CLEC16A: variants seen among roughly 807,000 people sequenced by gnomAD.
CLEC16A encodes the protein protein CLEC16A.
Under a neutral mutation model 109.5 loss-of-function variants are expected in CLEC16A, and 51 were observed. The ratio of observed to expected loss-of-function variants is 0.47; its 90% CI spans 0.37 to 0.59. CLEC16A has a LOEUF of 0.59. Among genes scored for constraint, CLEC16A ranks in the 20% least tolerant of loss-of-function variants. The pLI, the probability that CLEC16A is intolerant of heterozygous loss-of-function variation, is 0.00. For synonymous variants in CLEC16A, 673 were observed against 564.2 expected, an observed-to-expected ratio of 1.19 and a Z score of -2.73; for missense variants, 1,339 against 1,394.0, an observed-to-expected ratio of 0.96 and a Z score of 0.63.
chr16:11,167,334 A>G (rs1163544379), intron 23 of CLEC16A, among the ~76,000 whole-genome samples: 2 of 152,126 alleles, frequency 1.3e-5, no homozygotes, highest in African/African-American at 4.8e-5. Context: ...GGGTCACACC[A>G]ACTGCCTGCA....
intron 2 of CLEC16A, 81 bp from the exon 3 acceptor site, chr16:10,962,374 G>A: frequency 6.4e-7 from 1 of 1,557,470 alleles, no homozygotes; most frequent in Middle Eastern, 1.7e-4. Context: ...TCTAATACTT[G>A]TGTTGTGAAT....
At chr16:11,001,596 C>T (rs1436110442) in intron 10 of CLEC16A, among the ~76,000 whole-genome samples, 1 of 152,094 alleles carries the variant, frequency 6.6e-6, no homozygotes, top group Non-Finnish European at 1.5e-5. Flanking sequence ...ACTGATAATT[C>T]CTATATATTA....
rs991659734 is a variant in CLEC16A at position 11,060,923 on chromosome 16, C to T, written c.2017C>T (p.Leu673=). 6.2e-7 allele frequency: 1 copy of T among 1,611,858 alleles called. No homozygotes were observed. Among genetic ancestry groups the T allele is most frequent in the Non-Finnish European group, 8.5e-7 (1 of 1,178,986 alleles). ...CCAGGCCATCCGGGTGTTCTTCATG[C>T]TGCGTTCCCTGTCACTGCAATTGCG... ...TRRAIRVFFM[L]RSLSLQLRGE... Residue 673 remains leucine, a synonymous_variant, in exon 19 of 24, where the codon CTG becomes TTG. Coordinates refer to ENST00000409790, the MANE Select transcript of CLEC16A (RefSeq NM_015226.3).
chr16:10,956,327 T>C (rs2041983967), intron 1 of CLEC16A, among the ~76,000 whole-genome samples: 1 of 152,258 alleles, frequency 6.6e-6, no homozygotes, highest in South Asian at 2.1e-4. Flanking sequence ...TGTTCTTTAT[T>C]GTTTCATCTT....
At chr16:11,093,624 T>C (rs1304037355) in intron 19 of CLEC16A, among the ~76,000 whole-genome samples, 1 of 152,160 alleles carries the variant, frequency 6.6e-6, no homozygotes, top group East Asian at 1.9e-4. Flanking sequence ...TTTGAAGAAG[T>C]AAATATCAGC....
In CLEC16A at chr16:11,137,197, T is replaced by C. The variant is rs1345341193; in HGVS notation, c.2641+11051T>C. 2.0e-5 allele frequency among the ~76,000 whole-genome samples: 3 copies of C among 152,202 alleles called. No homozygotes were observed. In the East Asian group the frequency reaches 5.8e-4, roughly 29 times the overall value. ...AAGCCTTTTCTGTTGGTGTTTTTTTTCTTTGCTTCTGAATCATTTGTTTTA... is the reference window on the plus strand; with the variant it reads ...AAGCCTTTTCTGTTGGTGTTTTTTTCCTTTGCTTCTGAATCATTTGTTTTA... On this transcript the variant is annotated intron_variant, in intron 22 of 23. Transcript: ENST00000409790.
chr16:10,999,356 C>G (rs1359183240), intron 10 of CLEC16A, among the ~76,000 whole-genome samples: 1 of 152,148 alleles, frequency 6.6e-6, no homozygotes, highest in Non-Finnish European at 1.5e-5. Flanking sequence ...TTTAATTCCC[C>G]CAAGATGCCA....
chr16:11,165,128 G>C (rs2068202380), intron 22 of CLEC16A, among the ~76,000 whole-genome samples: 1 of 152,108 alleles, frequency 6.6e-6, no homozygotes, highest in South Asian at 2.1e-4. Context: ...GTCGTGGCCT[G>C]CAGAAAAGCA....
intron 22 of CLEC16A, among the ~76,000 whole-genome samples, chr16:11,158,784 G>A (rs139950417): frequency 6.6e-6 from 1 of 152,186 alleles, no homozygotes; most frequent in South Asian, 2.1e-4. Flanking sequence ...GCTGGGCATG[G>A]TGGTGCATGC....
intron 23 of CLEC16A, among the ~76,000 whole-genome samples, chr16:11,170,899 G>A (rs924343669): frequency 2.6e-5 from 4 of 152,196 alleles, no homozygotes; most frequent in African/African-American, 9.6e-5. Flanking sequence ...AGAACAGTGC[G>A]GGAGGCTCCC....
chr16:11,080,983 C>T (rs1371792765), intron 19 of CLEC16A, among the ~76,000 whole-genome samples: 1 of 152,204 alleles, frequency 6.6e-6, no homozygotes, highest in Admixed American at 6.5e-5. Flanking sequence ...TTACAGCCCA[C>T]CCCAGGTGGG....
intron 1 of CLEC16A, among the ~76,000 whole-genome samples, chr16:10,951,107 T>G (rs981581411): frequency 6.6e-6 from 1 of 152,236 alleles, no homozygotes; most frequent in Non-Finnish European, 1.5e-5. Flanking sequence ...CAGAGGCTAT[T>G]GAGGCCAGAT....
chr16:10,978,828 G>A (rs896945754), intron 8 of CLEC16A, among the ~76,000 whole-genome samples: 5 of 152,252 alleles, frequency 3.3e-5, no homozygotes, highest in South Asian at 2.1e-4. Context: ...ACCTGAGCCC[G>A]TTTCTTCGGC....
Position 11,178,573 on chromosome 16 carries a change from C to T in CLEC16A, c.3045C>T (p.Pro1015=), listed in dbSNP as rs74163630. 3.5e-5 allele frequency: 56 copies of T among 1,611,280 alleles called. 2 individuals are homozygous for T. Among genetic ancestry groups the T allele is most frequent in the South Asian group, 3.0e-4 (27 of 91,062 alleles). ...ESLTLVPPVD[P]HSLRSLTGMP... ...TGACCCTTGTCCCCCCAGTTGACCC[C>T]CACAGCCTCCGCAGCCTCACCGGCA... is the stretch of plus-strand genomic sequence containing the variant. Residue 1015 remains proline (P), a synonymous_variant, in exon 24 of 24, where the codon CCC becomes CCT. Coordinates refer to ENST00000409790, the MANE Select transcript of CLEC16A (RefSeq NM_015226.3). The surrounding 1 kb of genome is among the most constrained non-coding windows in gnomAD (Gnocchi z 6.5).
At chr16:11,123,990 G>A (rs972864189) in intron 21 of CLEC16A, 44 bp downstream of exon 21, 8 of 1,539,174 alleles carry the variant, frequency 5.2e-6, no homozygotes, top group East Asian at 2.4e-5. Flanking sequence ...AGCACTTGGT[G>A]GGTCAGGGCT....
intron 22 of CLEC16A, among the ~76,000 whole-genome samples, chr16:11,148,109 G>T (rs759470003): frequency 4.0e-4 from 61 of 152,176 alleles, no homozygotes; most frequent in Non-Finnish European, 5.6e-4. Flanking sequence ...TCAGATTCAT[G>T]ATTTCTGGGA....
chr16:11,158,919 CA>C (rs56921838), intron 22 of CLEC16A, among the ~76,000 whole-genome samples: 2,447 of 77,170 alleles, frequency 0.032, 67 homozygotes, highest in African/African-American at 0.15. Flanking sequence ...GACTCCAGCT[CA>C]GGGAAAAAAA....
intron 19 of CLEC16A, among the ~76,000 whole-genome samples, chr16:11,093,134 G>A (rs1457742121): frequency 6.6e-6 from 1 of 152,180 alleles, no homozygotes; most frequent in Non-Finnish European, 1.5e-5. Flanking sequence ...CCCTTCTCAT[G>A]GTGCTTTTGG....
intron 23 of CLEC16A, among the ~76,000 whole-genome samples, chr16:11,166,860 A>G (rs2068287631): frequency 6.6e-6 from 1 of 152,114 alleles, no homozygotes; most frequent in Admixed American, 6.5e-5. Flanking sequence ...TCACCTCCAC[A>G]GTCTTAGGTG....
Sources: allele counts gnomAD v4.1 joint callset (sites outside exome capture counted in the v4.1 genomes callset), GRCh38; gene constraint gnomAD v4.1.1; non-coding constraint Gnocchi (gnomAD v3.1); transcripts MANE v1.5; gene names NCBI Gene and HGNC (gene_info 2026-07-23, HGNC 2026-07-21).